Variants in NUMB observed in about 807,000 individuals in gnomAD.
NUMB encodes NUMB endocytic adaptor protein.
NUMB carries 29 observed loss-of-function variants against 59.7 expected under a neutral mutation model. The ratio of observed to expected loss-of-function variants is 0.49; its 90% CI spans 0.36 to 0.66. The LOEUF (loss-of-function observed/expected upper bound fraction) is 0.66, where lower values mean the gene tolerates loss of function less well. Ranked by LOEUF, NUMB falls within the 30% of genes least tolerant of loss-of-function variation. NUMB has a pLI of 0.00. For missense variants in NUMB, 723 were observed against 822.0 expected (o/e 0.88, Z 1.47); for synonymous variants, 288 against 288.2 (o/e 1.00, Z 0.01).
At chr14:73,453,426 C>T (rs1292458747) in intron 1 of NUMB, among the ~76,000 whole-genome samples, 2 of 152,132 alleles carry the variant, frequency 1.3e-5, no homozygotes, top group African/African-American at 4.8e-5. Flanking sequence ...GCCACCACGC[C>T]TAGCCTCAAA....
At chr14:73,414,955 T>G (rs754498867) in intron 1 of NUMB, among the ~76,000 whole-genome samples, 88 of 152,088 alleles carry the variant, frequency 5.8e-4, no homozygotes, top group Non-Finnish European at 8.7e-4. Context: ...CTGCTGACCT[T>G]GTGATCTGCC....
rs1360012168 is a variant in NUMB, at chr14:73,389,288, AAAAAACAAAAAC to A, written c.-101+20637_-101+20648del. Among the ~76,000 whole-genome samples, 27 of 91,288 alleles carry A rather than the reference AAAAAACAAAAAC, an allele frequency of 3.0e-4. 1 individual carries two copies. The highest frequency in any genetic ancestry group is 1.8e-3 in the African/African-American group (26 of 14,374). The allele number at this position is 91,288 out of a possible 152,430, so 59.9% of individuals were successfully genotyped here. ...TCCATCTCTCAAAAAAAAAAAAAAA[AAAAAACAAAAAC>A]AAAAACACTGGTCTCTGTTTTATAC... On this transcript the variant is annotated intron_variant, in intron 2 of 12. Transcript: ENST00000555238.
chr14:73,389,293 A>C (rs199637523), intron 2 of NUMB, among the ~76,000 whole-genome samples: 1,154 of 84,674 alleles, frequency 0.014, 3 homozygotes, highest in East Asian at 0.039. Context: ...AAAAAAAAAA[A>C]CAAAAACAAA....
intron 1 of NUMB, among the ~76,000 whole-genome samples, chr14:73,447,629 A>T (rs1163784537): frequency 6.6e-6 from 1 of 150,956 alleles, no homozygotes; most frequent in Non-Finnish European, 1.5e-5. Context: ...CTAAAAAGGA[A>T]AAAAAAACAA....
At chr14:73,310,168 T>G (rs1247287436) in intron 6 of NUMB, among the ~76,000 whole-genome samples, 1 of 151,974 alleles carries the variant, frequency 6.6e-6, no homozygotes, top group Non-Finnish European at 1.5e-5. Context: ...CTACAAGAAT[T>G]AAAGGCACAT....
At chr14:73,375,975 G>A (rs897741846) in intron 2 of NUMB, among the ~76,000 whole-genome samples, 3 of 152,122 alleles carry the variant, frequency 2.0e-5, no homozygotes, top group Non-Finnish European at 4.4e-5. Context: ...TGAGAAACTA[G>A]AAGCCTTCCC....
intron 4 of NUMB, among the ~76,000 whole-genome samples, chr14:73,352,537 T>TG (rs1646652180): frequency 1.3e-5 from 1 of 76,052 alleles, no homozygotes; most frequent in Non-Finnish European, 2.7e-5. Flanking sequence ...TATGTTTTTT[T>TG]TTTTTTTTTT....
At chr14:73,391,270 G>C (rs920826910) in intron 2 of NUMB, among the ~76,000 whole-genome samples, 14 of 149,714 alleles carry the variant, frequency 9.4e-5, no homozygotes, top group Non-Finnish European at 1.3e-4. Flanking sequence ...ATCCTTTTCA[G>C]TGGATTTTTT....
At chr14:73,280,996 G>A (rs1394519800) in intron 11 of NUMB, among the ~76,000 whole-genome samples, 6 of 152,014 alleles carry the variant, frequency 3.9e-5, no homozygotes, top group Non-Finnish European at 5.9e-5. Flanking sequence ...AGCCGGTGTT[G>A]GTACTGTTTA....
chr14:73,295,829 T>C (rs993466484), intron 7 of NUMB, among the ~76,000 whole-genome samples: 4 of 152,192 alleles, frequency 2.6e-5, no homozygotes, highest in African/African-American at 9.7e-5. Context: ...GCTGTGTGTC[T>C]ATTCTTATTT....
At chr14:73,305,056 C>T (rs191242143) in intron 6 of NUMB, among the ~76,000 whole-genome samples, 256 of 152,242 alleles carry the variant, frequency 1.7e-3, no homozygotes, top group African/African-American at 5.7e-3. Context: ...TGTGAGCTAC[C>T]GCGCCTGGCC....
chr14:73,386,949 C>T (rs1594975754), intron 2 of NUMB, among the ~76,000 whole-genome samples: 1 of 130,076 alleles, frequency 7.7e-6, no homozygotes. Context: ...GGCGGGATCT[C>T]GGCTCACTGC....
intron 1 of NUMB, among the ~76,000 whole-genome samples, chr14:73,424,894 G>C (rs1018839096): frequency 6.6e-6 from 1 of 152,182 alleles, no homozygotes; most frequent in Non-Finnish European, 1.5e-5. Flanking sequence ...CTAGAATGAC[G>C]GCTTTAGGAG....
chr14:73,352,470 A>C (rs1893386570), intron 4 of NUMB, among the ~76,000 whole-genome samples: 1 of 26,698 alleles, frequency 3.7e-5, no homozygotes, highest in African/African-American at 1.1e-4. Flanking sequence ...ACACACACAC[A>C]CACACACATA....
chr14:73,431,348 C>T (rs898614745), intron 1 of NUMB, among the ~76,000 whole-genome samples: 3 of 151,480 alleles, frequency 2.0e-5, no homozygotes, highest in Admixed American at 6.6e-5. Context: ...CTCTGCCTCC[C>T]GCATTCAAGC....
chr14:73,303,173 G>A (rs535729191), intron 6 of NUMB, among the ~76,000 whole-genome samples: 1 of 152,132 alleles, frequency 6.6e-6, no homozygotes, highest in East Asian at 1.9e-4. Context: ...AGCTGAGATC[G>A]CACCATTGCA....
chr14:73,450,512 A>G (rs1315920490), intron 1 of NUMB, among the ~76,000 whole-genome samples: 1 of 152,258 alleles, frequency 6.6e-6, no homozygotes, highest in Admixed American at 6.5e-5. Context: ...ACTGGGAGCT[A>G]GGCTGGGCGC....
chr14:73,307,326 AT>A (rs1185992690), intron 6 of NUMB, among the ~76,000 whole-genome samples: 23 of 135,940 alleles, frequency 1.7e-4, no homozygotes, highest in Non-Finnish European at 9.6e-5. Context: ...AAAAAAAAAA[AT>A]AGCTAGGAAT....
chr14:73,431,994 G>T (rs1743097107), intron 1 of NUMB, among the ~76,000 whole-genome samples: 1 of 151,852 alleles, frequency 6.6e-6, no homozygotes, highest in South Asian at 2.1e-4. Context: ...AAAAATTCAG[G>T]TATTTTAGCA....
Sources: gnomAD v4.1 joint callset for allele counts (sites outside exome capture counted in the v4.1 genomes callset) on GRCh38, gnomAD v4.1.1 for gene constraint, MANE v1.5 for transcripts, NCBI Gene and HGNC (gene_info 2026-07-23, HGNC 2026-07-21) for gene names.